CHUK: variants seen among roughly 807,000 people sequenced by gnomAD.
CHUK encodes the protein component of inhibitor of nuclear factor kappa B kinase complex, also known as inhibitor of nuclear factor kappa-B kinase subunit alpha.
CHUK carries 35 observed loss-of-function variants against 104.8 expected under a neutral mutation model. That is an observed-to-expected ratio of 0.33 (90% CI 0.26 to 0.44). The LOEUF (loss-of-function observed/expected upper bound fraction) is 0.44. CHUK is among the 20% of genes least tolerant of loss of function. The probability of loss-of-function intolerance (pLI) is 1.00; values close to 1 mark genes in which losing one functional copy is unlikely to be tolerated. For synonymous variants in CHUK, 276 were observed against 291.9 expected (o/e 0.95, Z 0.56); for missense variants, 663 against 902.7 (o/e 0.73, Z 3.40).
intron 13 of CHUK, among the ~76,000 whole-genome samples, chr10:100,203,821 G>GAA (rs934720155): frequency 6.6e-6 from 1 of 152,078 alleles, no homozygotes; most frequent in African/African-American, 2.4e-5. Flanking sequence ...ATTATTTACA[G>GAA]AAAAGTAAGC....
chr10:100,186,430 T>TGCA (rs1401336217), downstream of CHUK: 9 of 178,284 alleles, frequency 5.0e-5, no homozygotes, highest in East Asian at 1.0e-3. Context: ...CTAAACTTGT[T>TGCA]GCAAATAAAG....
chr10:100,190,823 C>T, intron 20 of CHUK, 46 bp downstream of exon 20: 1 of 1,081,576 alleles, frequency 9.2e-7, no homozygotes, highest in Non-Finnish European at 1.4e-6. Flanking sequence ...AAACCTTTTG[C>T]ACCCAACATA....
rs1345945207 is a variant in CHUK, at chr10:100,226,008, G to C, written c.115C>G (p.Leu39Val). The stretch of plus-strand genomic sequence containing the variant: ...CGACAAGACTTAATTGCTATTTTGA[G>C]ATCAAGTTCCTGCCAAAATAGAAAA... Reference protein sequence around the residue: ...VCLYQHRELDLKIAIKSCRLE... With the variant: ...VCLYQHRELDVKIAIKSCRLE... The change falls in exon 2 of 21, where the codon CTC becomes GTC. Residue 39 changes from leucine to valine, a missense_variant. Leu to Val is a conservative substitution (Grantham distance 32, BLOSUM62 1). Around this residue, in one of 5 missense-constraint regions of CHUK, gnomAD observed 200 missense variants for 333.0 expected, o/e 0.60. Coordinates refer to ENST00000370397, the MANE Select transcript of CHUK (RefSeq NM_001278.5). The C allele has an allele frequency of 3.4e-5, 54 of 1,591,934 alleles. No individual in the cohort carries two copies. The highest frequency in any genetic ancestry group is 4.5e-5 in the Non-Finnish European group (52 of 1,160,340).
At chr10:100,218,243 C>A (rs910453569) in intron 8 of CHUK, 113 bp from the exon 9 acceptor site, 19 of 908,316 alleles carry the variant, frequency 2.1e-5, no homozygotes, top group Non-Finnish European at 3.5e-6. Flanking sequence ...CATCACTTGT[C>A]TGTACCATTT....
In CHUK at chr10:100,218,689, G is replaced by A. The variant is rs1368102973; in HGVS notation, c.797+29C>T. ...CCTTTACAACTCTGGAGAAACTGAG[G>A]CAAACTTCCTTAACTAAAATATACT... On this transcript the variant is annotated intron_variant, in intron 8 of 20. Coordinates refer to ENST00000370397, the MANE Select transcript of CHUK (RefSeq NM_001278.5). 2.1e-6 allele frequency: 3 copies of A among 1,449,820 alleles called. No individual in the cohort carries two copies. In the Admixed American group the frequency reaches 5.0e-5, roughly 24 times the overall value. 89.8% of individuals were successfully genotyped at this position (1,449,820 alleles called of 1,614,324 possible).
chr10:100,220,798 A>G (rs905783320), intron 4 of CHUK, 122 bp from the exon 5 acceptor site: 4 of 674,420 alleles, frequency 5.9e-6, no homozygotes, highest in African/African-American at 1.9e-5. Context: ...TCGTAACTAC[A>G]CAACTAATAC....
rs1354316228 is a variant in CHUK, at chr10:100,212,965, C to A, written c.934-3176G>T. On this transcript the variant is annotated intron_variant, in intron 9 of 20. Coordinates refer to ENST00000370397, the MANE Select transcript of CHUK (RefSeq NM_001278.5). Reference sequence around the variant, plus strand: ...AGGCTGCAGTGAGCCAAGATCGCGCCACTGCACTCCAGGCGACAGAGTGAG... The same window carrying A: ...AGGCTGCAGTGAGCCAAGATCGCGCAACTGCACTCCAGGCGACAGAGTGAG... 2.1e-5 allele frequency among the ~76,000 whole-genome samples: 3 copies of A among 144,378 alleles called. No homozygotes were observed. In the South Asian group the frequency reaches 6.5e-4, roughly 31 times the overall value. 94.7% of individuals were successfully genotyped at this position (144,378 alleles called of 152,430 possible).
chr10:100,200,055 G>A, intron 15 of CHUK, 35 bp from the exon 16 acceptor site: 1 of 1,441,292 alleles, frequency 6.9e-7, no homozygotes, highest in Non-Finnish European at 9.8e-7. Context: ...ATAAGTGAAG[G>A]TAATTTAATG....
chr10:100,213,250 A>G (rs1845771190), intron 9 of CHUK, among the ~76,000 whole-genome samples: 1 of 151,984 alleles, frequency 6.6e-6, no homozygotes, highest in African/African-American at 2.4e-5. Context: ...GGAGGCCAAG[A>G]CAGGTAGATC....
intron 1 of CHUK, among the ~76,000 whole-genome samples, chr10:100,227,759 C>T (rs899361782): frequency 1.3e-5 from 2 of 152,152 alleles, no homozygotes; most frequent in Non-Finnish European, 1.5e-5. Context: ...CCTAAATATG[C>T]CTATTTTCCC....
rs1456939372 is a variant in CHUK, at chr10:100,204,728, T to G, written c.1356-71A>C. On this transcript the variant is annotated intron_variant, in intron 12 of 20. Coordinates refer to ENST00000370397, the MANE Select transcript of CHUK (RefSeq NM_001278.5). ...AGCATTCAGAAACATTGAACAATAATGTAAAAACATAAACTGCCACAAGGC... is the reference window on the plus strand; with the variant it reads ...AGCATTCAGAAACATTGAACAATAAGGTAAAAACATAAACTGCCACAAGGC... 1.9e-5 allele frequency: 24 copies of G among 1,294,872 alleles called. No individual in the cohort carries two copies. In the Middle Eastern group the frequency reaches 9.6e-4, roughly 52 times the overall value. The allele number at this position is 1,294,872 out of a possible 1,614,324, so 80.2% of individuals were successfully genotyped here.
At chr10:100,190,821 T>C in intron 20 of CHUK, 48 bp downstream of exon 20, 1 of 1,051,628 alleles carries the variant, frequency 9.5e-7, no homozygotes, top group East Asian at 2.4e-5. Flanking sequence ...TTAAACCTTT[T>C]GCACCCAACA....
rs755125432 is a variant in CHUK at position 100,218,757 on chromosome 10, C to T, written c.758G>A (p.Arg253Gln). The stretch of plus-strand genomic sequence containing the variant: ...TGGTTGAGGTAAATGGCTACTAAAC[C>T]GAACTTCTCCTGACATCTCTTCACA... ...FACEEMSGEVRFSSHLPQPNS... is the reference protein window; with the variant it reads ...FACEEMSGEVQFSSHLPQPNS... The change falls in exon 8 of 21, where the codon CGG (arginine) becomes CAG (glutamine). Residue 253 changes from arginine (R) to glutamine (Q), a missense_variant. Physicochemically the swap from Arg to Gln is conservative, Grantham distance 43 (BLOSUM62 1). Around this residue, in one of 5 missense-constraint regions of CHUK, gnomAD observed 200 missense variants for 333.0 expected, o/e 0.60. Transcript: ENST00000370397. 1.1e-5 allele frequency: 18 copies of T among 1,613,640 alleles called. 1 individual carries two copies. Among genetic ancestry groups the T allele is most frequent in the Admixed American group, 6.7e-5 (4 of 59,992 alleles).
At chr10:100,195,729 G>A (rs1057237543) in intron 16 of CHUK, 4 of 152,156 alleles carry the variant, frequency 2.6e-5, no homozygotes, top group African/African-American at 9.7e-5. Context: ...CACAAATCAA[G>A]TGTGATTATA....
At chr10:100,229,297 C>A in intron 1 of CHUK, 131 bp downstream of exon 1, 1 of 721,174 alleles carries the variant, frequency 1.4e-6, no homozygotes, top group Non-Finnish European at 2.5e-6. Flanking sequence ...CACACACAAG[C>A]CCACTGGCCC....
At position 100,229,533 on chromosome 10, in the gene CHUK, G is replaced by A; in HGVS notation, c.-1C>T. ...GCCGCAGCCCCGGGGGCCGCTCCAT[G>A]GGGCGGGAGGGCAAGCGGCCTCAGG... On this transcript the variant is annotated 5_prime_UTR_variant, in exon 1 of 21. Transcript: ENST00000370397. 1 of 1,530,764 alleles carries A rather than the reference G, an allele frequency of 6.5e-7. No individual in the cohort carries two copies. The highest frequency in any genetic ancestry group is 8.8e-7 in the Non-Finnish European group (1 of 1,141,930). The allele number at this position is 1,530,764 out of a possible 1,614,324, so 94.8% of individuals were successfully genotyped here.
chr10:100,221,053 G>C (rs1038320919), intron 4 of CHUK, among the ~76,000 whole-genome samples: 1 of 152,064 alleles, frequency 6.6e-6, no homozygotes, highest in Non-Finnish European at 1.5e-5. Context: ...ACAAATTTTT[G>C]GTTTTTGAGG....
intron 14 of CHUK, 49 bp from the exon 15 acceptor site, chr10:100,200,829 CAT>C (rs775923640): frequency 6.2e-6 from 6 of 975,494 alleles, no homozygotes. Context: ...ACCACTACAT[CAT>C]AGGAAACAAA....
At chr10:100,227,471 C>G (rs1488503573) in intron 1 of CHUK, among the ~76,000 whole-genome samples, 1 of 152,014 alleles carries the variant, frequency 6.6e-6, no homozygotes, top group Non-Finnish European at 1.5e-5. Context: ...AGCATGCATC[C>G]TTTTTCCTTA....
Sources: gnomAD v4.1 joint callset for allele counts (sites outside exome capture counted in the v4.1 genomes callset) on GRCh38, gnomAD v4.1.1 for gene constraint, gnomAD v4.1.1 regional missense constraint, MANE v1.5 for transcripts, NCBI Gene and HGNC (gene_info 2026-07-23, HGNC 2026-07-21) for gene names.